GLI1: variants seen among roughly 807,000 people sequenced by gnomAD.
GLI1 encodes transcription activator GLI1.
Under a neutral mutation model 87.8 loss-of-function variants are expected in GLI1, and 51 were observed. That is an observed-to-expected ratio of 0.58 (90% CI 0.46 to 0.73). The LOEUF is 0.73. Ranked by LOEUF, GLI1 falls within the 30% of genes least tolerant of loss-of-function variation. The probability of loss-of-function intolerance (pLI) is 0.00; values close to 1 mark genes in which losing one functional copy is unlikely to be tolerated. For missense variants in GLI1, 1,292 were observed against 1,437.2 expected, an observed-to-expected ratio of 0.90 and a Z score of 1.63; for synonymous variants, 528 against 558.2, an observed-to-expected ratio of 0.95 and a Z score of 0.76.
In GLI1 at chr12:57,467,362, C is replaced by T. The variant is rs1372663036; in HGVS notation, c.942C>T (p.Arg314=). The T allele has an allele frequency of 1.2e-6, 2 of 1,611,002 alleles. No individual in the cohort carries two copies. The highest frequency in any genetic ancestry group is 1.3e-5 in the African/African-American group (1 of 74,870). ...TFEGCRKSYS[R]LENLKTHLRS... ...AAGGGTGCCGGAAGTCATACTCACGCCTCGAAAACCTGAAGACGCACCTGC... is the reference window on the plus strand; with the variant it reads ...AAGGGTGCCGGAAGTCATACTCACGTCTCGAAAACCTGAAGACGCACCTGC... Residue 314 remains arginine (R), a synonymous_variant, in exon 9 of 12, where the codon CGC becomes CGT. Coordinates refer to ENST00000228682, the MANE Select transcript of GLI1 (RefSeq NM_005269.3).
intron 9 of GLI1, among the ~76,000 whole-genome samples, chr12:57,467,732 AC>A (rs763353638): frequency 2.0e-5 from 3 of 151,872 alleles, no homozygotes; most frequent in Non-Finnish European, 2.9e-5. Context: ...TCTAGAGGAG[AC>A]CCCTGATCCC....
At chr12:57,468,988 G>A (rs768459019) in intron 10 of GLI1, among the ~76,000 whole-genome samples, 4 of 152,086 alleles carry the variant, frequency 2.6e-5, no homozygotes, top group Non-Finnish European at 5.9e-5. Context: ...TCCTGACCTC[G>A]TGATCTGCCC....
At chr12:57,469,726 T>G in intron 11 of GLI1, 28 bp downstream of exon 11, 1 of 1,607,462 alleles carries the variant, frequency 6.2e-7, no homozygotes, top group African/African-American at 1.3e-5. Context: ...GAGGTGTGGC[T>G]GGGGTGAGAT....
Position 57,465,878 on chromosome 12 carries a change from T to G in GLI1, c.715T>G (p.Trp239Gly). Reference protein sequence around the residue: ...PESVYETDCRWDGCSQEFDSQ... With the variant: ...PESVYETDCRGDGCSQEFDSQ... ...ATCTGTGTATGAAACTGACTGCCGT[T>G]GGGATGGCTGCAGCCAGGAATTTGA... The change falls in exon 7 of 12, where the codon TGG becomes GGG. Residue 239 changes from tryptophan (W) to glycine (G), a missense_variant. Trp to Gly is a radical substitution (Grantham distance 184, BLOSUM62 -2). Around this residue, in one of 3 missense-constraint regions of GLI1, gnomAD observed 383 missense variants for 368.4 expected, o/e 1.04. Coordinates refer to ENST00000228682, the MANE Select transcript of GLI1 (RefSeq NM_005269.3). 1 of 1,613,988 alleles carries G rather than the reference T, an allele frequency of 6.2e-7. No individual in the cohort carries two copies. Among genetic ancestry groups the G allele is most frequent in the Non-Finnish European group, 8.5e-7 (1 of 1,179,908 alleles).
chr12:57,464,203 A>G (rs1036217255), intron 3 of GLI1, 112 bp downstream of exon 3: 39 of 781,338 alleles, frequency 5.0e-5, no homozygotes, highest in Non-Finnish European at 7.4e-5. Flanking sequence ...TGGAGATGTG[A>G]GGCGTCAGAG....
At chr12:57,463,324 T>C (rs1244713506) in intron 1 of GLI1, among the ~76,000 whole-genome samples, 2 of 152,208 alleles carry the variant, frequency 1.3e-5, no homozygotes, top group African/African-American at 4.8e-5. Flanking sequence ...TTCAAGCGAT[T>C]CTTCTGCCTC....
At chr12:57,462,876 C>T (rs1220830511) in intron 1 of GLI1, among the ~76,000 whole-genome samples, 1 of 152,138 alleles carries the variant, frequency 6.6e-6, no homozygotes, top group Non-Finnish European at 1.5e-5. Flanking sequence ...ACGGGCTGTC[C>T]CTGGGGAGGG....
chr12:57,470,035 A>T (rs1376571143), intron 11 of GLI1, among the ~76,000 whole-genome samples: 1 of 152,164 alleles, frequency 6.6e-6, no homozygotes, highest in African/African-American at 2.4e-5. Context: ...TTTCAAACAA[A>T]ACAAAACAAA....
At chr12:57,463,456 C>T (rs544951261) in intron 1 of GLI1, among the ~76,000 whole-genome samples, 4 of 152,258 alleles carry the variant, frequency 2.6e-5, no homozygotes, top group Admixed American at 1.3e-4. Context: ...CTCAGGTGAT[C>T]CTCCCGCCTC....
rs1465909682 is a variant in GLI1 at position 57,470,977 on chromosome 12, G to T, written c.2237G>T (p.Arg746Met). ...GCAGCAGCTGAGCCTTATGGAGCGAGGGGTCCAGGCTCTCTGCCTCTTGGG... is the reference window on the plus strand; with the variant it reads ...GCAGCAGCTGAGCCTTATGGAGCGATGGGTCCAGGCTCTCTGCCTCTTGGG... The part of the protein sequence containing the change: ...EGAAAEPYGA[R>M]GPGSLPLGPG... Residue 746 changes from arginine to methionine, a missense_variant, in exon 12 of 12, where the codon AGG becomes ATG. This residue lies in a region of GLI1 where 897 missense variants were observed against 1,040.7 expected (regional missense o/e 0.86). Transcript: ENST00000228682. The T allele has an allele frequency of 4.3e-6, 7 of 1,613,414 alleles. No homozygotes were observed. The highest frequency in any genetic ancestry group is 5.9e-6 in the Non-Finnish European group (7 of 1,179,668).
chr12:57,470,542 C>T lies in GLI1; in HGVS notation c.1802C>T (p.Thr601Ile). 1 of 1,614,056 alleles carries T rather than the reference C, an allele frequency of 6.2e-7. No individual in the cohort carries two copies. Among genetic ancestry groups the T allele is most frequent in the Non-Finnish European group, 8.5e-7 (1 of 1,179,962 alleles). ...TATGCTTCAGCCAGAGGGGGTGGTA[C>T]TTCGCCCACTGCAGCATCCAGCCTG... Reference protein sequence around the residue: ...ARYASARGGGTSPTAASSLDR... With the variant: ...ARYASARGGGISPTAASSLDR... The change falls in exon 12 of 12, where the codon ACT becomes ATT. Residue 601 changes from threonine (T) to isoleucine (I), a missense_variant. By Grantham distance (89) the Thr-to-Ile change is moderately conservative. This residue lies in a region of GLI1 where 897 missense variants were observed against 1,040.7 expected (regional missense o/e 0.86). Transcript: ENST00000228682.
At position 57,467,500 on chromosome 12, in the gene GLI1, GA is replaced by G. The variant is rs760591147; in HGVS notation, c.1077+5del. On this transcript the variant is annotated splice_donor_region_variant and intron_variant, in intron 9 of 11. Transcript: ENST00000228682. ...AGAATCGGACCCATTCCAATGAGGT[GA>G]ATGCCCTAACTAAGCGACCCTCCCC... The G allele has an allele frequency of 1.3e-6, 2 of 1,592,828 alleles. No homozygotes were observed. The highest frequency in any genetic ancestry group is 1.7e-6 in the Non-Finnish European group (2 of 1,163,894).
intron 9 of GLI1, 57 bp from the exon 10 acceptor site, chr12:57,467,937 T>C (rs1871604268): frequency 7.9e-7 from 1 of 1,273,040 alleles, no homozygotes; most frequent in Non-Finnish European, 1.1e-6. Context: ...TTCCCATTTC[T>C]TCTGCATTCT....
intron 1 of GLI1, among the ~76,000 whole-genome samples, chr12:57,463,398 G>T (rs1871274333): frequency 6.6e-6 from 1 of 151,842 alleles, no homozygotes; most frequent in African/African-American, 2.4e-5. Context: ...TTGTTTTTTT[G>T]TAGAGACGGG....
chr12:57,462,326 G>T (rs943301183), intron 1 of GLI1, among the ~76,000 whole-genome samples: 16 of 152,126 alleles, frequency 1.1e-4, no homozygotes, highest in Non-Finnish European at 2.2e-4. Flanking sequence ...CCAGGCTGCC[G>T]GGCCGGGCTG....
chr12:57,472,058 C>T lies in GLI1; in HGVS notation c.3318C>T (p.Ala1106=), dbSNP rs61734544. Residue 1106 remains alanine (A), a synonymous_variant, in exon 12 of 12, where the codon GCC becomes GCT. Transcript: ENST00000228682. ...AAACAGAATTCCTCAACTCTAGTGC[C>T]TAAAGAGTAGGGAATCTCATCCATC... ...PGETEFLNSS[A] 1.4e-3 allele frequency: 2,150 copies of T among 1,486,402 alleles called. 25 individuals are homozygous for T. In the African/African-American group the frequency reaches 0.028, roughly 19 times the overall value. 92.1% of individuals were successfully genotyped at this position (1,486,402 alleles called of 1,614,324 possible).
intron 5 of GLI1, 147 bp from the exon 6 acceptor site, chr12:57,465,460 A>AGTGT: frequency 1.3e-6 from 1 of 759,886 alleles, no homozygotes; most frequent in Non-Finnish European, 2.2e-6. Context: ...CCCATTCACC[A>AGTGT]GTGTAGTCTG....
At chr12:57,464,514 T>A (rs1871344167) in intron 3 of GLI1, among the ~76,000 whole-genome samples, 159 bp from the exon 4 acceptor site, 1 of 148,214 alleles carries the variant, frequency 6.7e-6, no homozygotes, top group African/African-American at 2.5e-5. Context: ...AGAGCATGAC[T>A]CTGTGTCTCT....
At position 57,467,875 on chromosome 12, in the gene GLI1, C is replaced by A. The variant is rs145747123; in HGVS notation, c.1078-119C>A. The stretch of plus-strand genomic sequence containing the variant: ...CCACCGGAGGCCTCCATCCTCCTTA[C>A]TTCCTTTGGTGCTGTGTGCTCCTCC... On this transcript the variant is annotated intron_variant, in intron 9 of 11. Coordinates refer to ENST00000228682, the MANE Select transcript of GLI1 (RefSeq NM_005269.3). The A allele has an allele frequency of 2.7e-4, 184 of 690,394 alleles. No individual in the cohort carries two copies. The African/African-American group carries it at 2.8e-3, about 10-fold the overall frequency. The allele number at this position is 690,394 out of a possible 1,614,324, so 42.8% of individuals were successfully genotyped here.
Sources: gnomAD v4.1 joint callset for allele counts (sites outside exome capture counted in the v4.1 genomes callset) on GRCh38, gnomAD v4.1.1 for gene constraint, gnomAD v4.1.1 regional missense constraint, MANE v1.5 for transcripts, NCBI Gene and HGNC (gene_info 2026-07-23, HGNC 2026-07-21) for gene names.